Variants in GRID2 observed in about 807,000 individuals in gnomAD.
GRID2 encodes glutamate receptor ionotropic, delta-2.
A neutral mutation model predicts 114.8 loss-of-function variants in GRID2; 33 were observed. That is an observed-to-expected ratio of 0.29 (90% CI 0.22 to 0.38). The LOEUF (loss-of-function observed/expected upper bound fraction) is 0.38, where lower values mean the gene tolerates loss of function less well. Among genes scored for constraint, GRID2 ranks in the 10% least tolerant of loss-of-function variants. The probability of loss-of-function intolerance (pLI) is 1.00; values close to 1 mark genes in which losing one functional copy is unlikely to be tolerated. For missense variants in GRID2, 1,184 were observed against 1,257.7 expected (o/e 0.94, Z 0.89); for synonymous variants, 505 against 449.9 (o/e 1.12, Z -1.55).
chr4:93,679,345 C>T (rs1360102265), intron 14 of GRID2, among the ~76,000 whole-genome samples: 2 of 150,896 alleles, frequency 1.3e-5, no homozygotes, highest in Non-Finnish European at 2.9e-5. Context: ...TTTAACACCC[C>T]ACTGTCAACA....
intron 2 of GRID2, among the ~76,000 whole-genome samples, chr4:92,617,643 T>G (rs1300034147): frequency 6.6e-6 from 1 of 151,762 alleles, no homozygotes; most frequent in Non-Finnish European, 1.5e-5. Context: ...ATTTCCTTCC[T>G]TTTCTCTACA....
intron 13 of GRID2, among the ~76,000 whole-genome samples, chr4:93,577,081 T>C (rs1488474686): frequency 1.3e-5 from 2 of 152,218 alleles, no homozygotes; most frequent in African/African-American, 4.8e-5. Flanking sequence ...ATGTGTGTTT[T>C]TTTACCCATT....
intron 14 of GRID2, among the ~76,000 whole-genome samples, chr4:93,632,054 G>C (rs1444403186): frequency 6.6e-6 from 1 of 152,102 alleles, no homozygotes; most frequent in East Asian, 1.9e-4. Flanking sequence ...CCCACTTTTT[G>C]ATGAGGTTGT....
chr4:93,404,445 C>G (rs938853743), intron 9 of GRID2, among the ~76,000 whole-genome samples: 6 of 152,100 alleles, frequency 3.9e-5, no homozygotes, highest in African/African-American at 1.4e-4. Flanking sequence ...GTTCCCCAGA[C>G]TGCCTATGTT....
chr4:93,372,347 CA>C (rs1763008228), intron 8 of GRID2, among the ~76,000 whole-genome samples: 1 of 141,448 alleles, frequency 7.1e-6, no homozygotes, highest in South Asian at 2.4e-4. Flanking sequence ...TACATATGCA[CA>C]AATGACAGTA....
At chr4:92,933,585 AT>A (rs1750406594) in intron 2 of GRID2, among the ~76,000 whole-genome samples, 1 of 151,516 alleles carries the variant, frequency 6.6e-6, no homozygotes. Flanking sequence ...TGGAACATAA[AT>A]TTGAGGCTGA....
At chr4:93,607,404 G>A (rs931758723) in intron 13 of GRID2, among the ~76,000 whole-genome samples, 1 of 151,948 alleles carries the variant, frequency 6.6e-6, no homozygotes, top group African/African-American at 2.4e-5. Flanking sequence ...CATTTTAATG[G>A]TTCCATAATG....
chr4:92,925,970 A>G (rs1560708645), intron 2 of GRID2, among the ~76,000 whole-genome samples: 1 of 152,050 alleles, frequency 6.6e-6, no homozygotes, highest in African/African-American at 2.4e-5. Context: ...ACTACTTACT[A>G]ATGTAAGTAG....
chr4:93,301,714 C>G (rs563460654), intron 8 of GRID2, among the ~76,000 whole-genome samples: 57 of 152,096 alleles, frequency 3.7e-4, no homozygotes, highest in Non-Finnish European at 7.2e-4. Flanking sequence ...TCAGTGCTTA[C>G]GATATCAGCA....
chr4:92,811,675 A>G (rs529883046), intron 2 of GRID2, among the ~76,000 whole-genome samples: 1 of 152,188 alleles, frequency 6.6e-6, no homozygotes, highest in African/African-American at 2.4e-5. Flanking sequence ...TTCTTCAGGA[A>G]CTTATGCCAG....
chr4:92,537,469 A>G (rs781682917), intron 1 of GRID2, among the ~76,000 whole-genome samples: 2 of 152,146 alleles, frequency 1.3e-5, no homozygotes, highest in African/African-American at 2.4e-5. Flanking sequence ...CCAATCTTCA[A>G]TTATGATTGA....
downstream of GRID2, among the ~76,000 whole-genome samples, chr4:93,776,165 C>T (rs1371933649): frequency 1.3e-5 from 2 of 152,148 alleles, no homozygotes; most frequent in Non-Finnish European, 2.9e-5. Context: ...AATGGACTCA[C>T]TAAAATTTGG....
intron 2 of GRID2, among the ~76,000 whole-genome samples, chr4:92,851,178 T>TTAC: frequency 6.6e-6 from 1 of 151,938 alleles, no homozygotes; most frequent in Admixed American, 6.6e-5. Flanking sequence ...TACTTGTGAA[T>TTAC]TACTGCTAGA....
chr4:93,316,316 G>GAAAGAAAGA (rs1756619352), intron 8 of GRID2, among the ~76,000 whole-genome samples: 1 of 137,964 alleles, frequency 7.2e-6, no homozygotes, highest in South Asian at 2.3e-4. Context: ...AAGAAAGAAA[G>GAAAGAAAGA]AAAGAAAGAA....
At chr4:93,631,015 A>T (rs1386959828) in intron 14 of GRID2, among the ~76,000 whole-genome samples, 2 of 152,144 alleles carry the variant, frequency 1.3e-5, no homozygotes, top group African/African-American at 4.8e-5. Context: ...TGCTGTCCTA[A>T]TTGTACAGAT....
intron 2 of GRID2, among the ~76,000 whole-genome samples, chr4:92,720,941 G>A (rs1436984433): frequency 3.3e-5 from 5 of 152,082 alleles, no homozygotes; most frequent in African/African-American, 4.8e-5. Context: ...ACAAAATGTG[G>A]TATAAATATA....
chr4:92,363,561 A>G (rs1361419982), intron 1 of GRID2, among the ~76,000 whole-genome samples: 4 of 152,060 alleles, frequency 2.6e-5, no homozygotes, highest in Admixed American at 2.6e-4. Context: ...TCAATTACTG[A>G]TGATTTATAA....
At chr4:92,539,625 A>G (rs1429441028) in intron 1 of GRID2, among the ~76,000 whole-genome samples, 1 of 152,152 alleles carries the variant, frequency 6.6e-6, no homozygotes, top group East Asian at 1.9e-4. Flanking sequence ...GATATTTCTC[A>G]ATTACTAACA....
At chr4:92,479,872 A>G (rs1722496077) in intron 1 of GRID2, among the ~76,000 whole-genome samples, 1 of 152,140 alleles carries the variant, frequency 6.6e-6, no homozygotes, top group South Asian at 2.1e-4. Flanking sequence ...AATTAGGGAG[A>G]CATAATGTTG....
Sources: gnomAD v4.1 joint callset for allele counts (sites outside exome capture counted in the v4.1 genomes callset) on GRCh38, gnomAD v4.1.1 for gene constraint, MANE v1.5 for transcripts, NCBI Gene and HGNC (gene_info 2026-07-23, HGNC 2026-07-21) for gene names.